COQ8A: variants seen among roughly 807,000 people sequenced by gnomAD.
COQ8A encodes the protein coenzyme Q8A.
In COQ8A, 51 loss-of-function variants were observed where a neutral mutation model predicts 65.0. The ratio of observed to expected loss-of-function variants is 0.78; its 90% confidence interval spans 0.63 to 0.99. The LOEUF (loss-of-function observed/expected upper bound fraction) is 0.99. COQ8A is among the 50% of genes least tolerant of loss of function. The pLI is 0.00. For missense variants in COQ8A, 940 were observed against 875.0 expected (o/e 1.07, Z -0.94); for synonymous variants, 371 against 353.2 (o/e 1.05, Z -0.57).
At chr1:226,984,517 G>A (rs781519570) in intron 11 of COQ8A, 31 bp from the exon 12 acceptor site, 1 of 1,575,812 alleles carries the variant, frequency 6.3e-7, no homozygotes, top group South Asian at 1.1e-5. Context: ...GTGTGGTGCT[G>A]CCTGACACAG....
intron 2 of COQ8A, among the ~76,000 whole-genome samples, chr1:226,961,927 C>G (rs767339610): frequency 3.3e-5 from 5 of 152,174 alleles, no homozygotes; most frequent in African/African-American, 4.8e-5. Context: ...GAGGGCAAGG[C>G]TGCTCTCTAG....
In COQ8A at chr1:226,985,246, C is replaced by G. The variant is rs1303889421; in HGVS notation, c.1573-8C>G. On this transcript the variant is annotated splice_polypyrimidine_tract_variant and splice_region_variant and intron_variant, in intron 13 of 14. Transcript: ENST00000366777. ...CTGCCCACGGTCCCCTCCTGTGCCT[C>G]TCCCCAGATCATCAGGGCTGCTGCC... 1 of 1,613,238 alleles carries G rather than the reference C, an allele frequency of 6.2e-7. No individual in the cohort carries two copies. The highest frequency in any genetic ancestry group is 1.1e-5 in the South Asian group (1 of 91,074).
chr1:226,956,110 TCACTCTCCCTGGTTCA>T (rs1657727783), intron 1 of COQ8A, among the ~76,000 whole-genome samples: 1 of 79,712 alleles, frequency 1.3e-5, no homozygotes, highest in Non-Finnish European at 2.4e-5. Context: ...TCCCTGGCTC[TCACTCTCCCTGGTTCA>T]CACTCTCCCT....
At chr1:226,956,264 GTTCACA>G (rs1657748457) in intron 1 of COQ8A, among the ~76,000 whole-genome samples, 5 of 72,024 alleles carry the variant, frequency 6.9e-5, no homozygotes, top group African/African-American at 3.5e-4. Context: ...ACTCTCCCTG[GTTCACA>G]CTCTCCCTGG....
intron 11 of COQ8A, 108 bp from the exon 12 acceptor site, chr1:226,984,440 C>A: frequency 7.7e-7 from 1 of 1,300,318 alleles, no homozygotes; most frequent in Non-Finnish European, 1.1e-6. Flanking sequence ...CAAACAGTCC[C>A]TAGGGTAGGG....
rs1658145487 is a variant in COQ8A at position 226,960,421 on chromosome 1, T to TTGGTGGTGCTGGTGGTGCTTGGTGG, written c.-9-948_-9-947insCTGGTGGTGCTTGGTGGTGGTGGTG. ...TGGTACTTGGTGGTGGCGGTGGTAC[T>TTGGTGGTGCTGGTGGTGCTTGGTGG]TGGTGGTGGTACTTGGTGGTACTTG... On this transcript the variant is annotated intron_variant, in intron 1 of 14. Transcript: ENST00000366777. 3.7e-5 allele frequency among the ~76,000 whole-genome samples: 5 copies of TTGGTGGTGCTGGTGGTGCTTGGTGG among 135,904 alleles called. 1 individual carries two copies. Among genetic ancestry groups the TTGGTGGTGCTGGTGGTGCTTGGTGG allele is most frequent in the Admixed American group, 7.5e-5 (1 of 13,346 alleles). The allele number at this position is 135,904 out of a possible 152,430, so 89.2% of individuals were successfully genotyped here. A position where few individuals can be genotyped will look rare whatever the true frequency, so the allele number is the denominator to read the frequency against.
chr1:226,961,511 C>T lies in COQ8A; in HGVS notation c.126C>T (p.Ala42=), dbSNP rs766489783. 3 of 1,613,852 alleles carry T rather than the reference C, an allele frequency of 1.9e-6. No homozygotes were observed. Among genetic ancestry groups the T allele is most frequent in the Non-Finnish European group, 2.5e-6 (3 of 1,179,976 alleles). Residue 42 remains alanine (A), a synonymous_variant, in exon 2 of 15, where the codon GCC becomes GCT. Coordinates refer to ENST00000366777, the MANE Select transcript of COQ8A (RefSeq NM_020247.5). ...IGGELIMAAR[A]LQSTAVEQIG... is the part of the protein sequence containing the mutation. ...GGGAGCTGATCATGGCGGCCAGGGC[C>T]CTGCAGTCCACGGCTGTGGAGCAGA...
chr1:226,969,690 T>C (rs904819531), intron 4 of COQ8A, among the ~76,000 whole-genome samples: 7 of 152,094 alleles, frequency 4.6e-5, no homozygotes, highest in East Asian at 1.9e-4. Context: ...CTTTTTTTTT[T>C]CCCCTGTACT....
At chr1:226,959,368 CT>C (rs1227935307) in intron 1 of COQ8A, among the ~76,000 whole-genome samples, 1 of 151,860 alleles carries the variant, frequency 6.6e-6, no homozygotes, top group Non-Finnish European at 1.5e-5. Flanking sequence ...ATGATTATGC[CT>C]GTGAACAGCC....
At chr1:226,977,247 C>T (rs1659292685) in intron 4 of COQ8A, among the ~76,000 whole-genome samples, 1 of 152,182 alleles carries the variant, frequency 6.6e-6, no homozygotes, top group African/African-American at 2.4e-5. Flanking sequence ...TTCACTGAAA[C>T]ACCTACCTCG....
intron 1 of COQ8A, among the ~76,000 whole-genome samples, chr1:226,960,359 G>GGTGGTGATGGTA (rs1558187319): frequency 7.8e-4 from 1 of 1,288 alleles, no homozygotes; most frequent in Non-Finnish European, 1.7e-3. Flanking sequence ...TGGTGGTGGT[G>GGTGGTGATGGTA]CTTGGTGGTG....
At chr1:226,973,691 G>A (rs1470548849) in intron 4 of COQ8A, among the ~76,000 whole-genome samples, 1 of 152,218 alleles carries the variant, frequency 6.6e-6, no homozygotes, top group Non-Finnish European at 1.5e-5. Context: ...GGGGGCAGCT[G>A]GAGGATGCCA....
Position 226,965,579 on chromosome 1 carries a change from G to A in COQ8A, c.589-92G>A, listed in dbSNP as rs1277852733. The stretch of plus-strand genomic sequence containing the variant: ...GTCAGGCGGAGCTGCTGACTGTGGG[G>A]TGGAGAGGAGATGTGGGGGCAACAG... On this transcript the variant is annotated intron_variant, in intron 3 of 14. Coordinates refer to ENST00000366777, the MANE Select transcript of COQ8A (RefSeq NM_020247.5). 11 of 1,525,064 alleles carry A rather than the reference G, an allele frequency of 7.2e-6. No individual in the cohort carries two copies. The Middle Eastern group carries it at 5.1e-4, about 71-fold the overall frequency. 94.5% of individuals were successfully genotyped at this position (1,525,064 alleles called of 1,614,324 possible). A position where few individuals can be genotyped will look rare whatever the true frequency, so the allele number is the denominator to read the frequency against.
rs548985849 is a variant in COQ8A, at chr1:226,975,659, C to G, written c.656-1790C>G. Among the ~76,000 whole-genome samples the G allele has an allele frequency of 1.8e-4, 27 of 152,248 alleles. No individual in the cohort carries two copies. The South Asian group carries it at 5.6e-3, about 32-fold the overall frequency. Reference sequence around the variant, plus strand: ...TTTCTTTTGTTCTGCGCCGGCCCAGCCTTTTTGAATAGAGTCACGAGAACA... The same window carrying G: ...TTTCTTTTGTTCTGCGCCGGCCCAGGCTTTTTGAATAGAGTCACGAGAACA... On this transcript the variant is annotated intron_variant, in intron 4 of 14. Coordinates refer to ENST00000366777, the MANE Select transcript of COQ8A (RefSeq NM_020247.5).
chr1:226,961,395 A>G lies in COQ8A; in HGVS notation c.10A>G (p.Ile4Val), dbSNP rs372487479. ...CTTCCAGCCCTGAAGGATGGCTGCC[A>G]TATTGGGAGACACCATCATGGTGGC... is the stretch of plus-strand genomic sequence containing the variant. MAA[I>V]LGDTIMVAKG... Residue 4 changes from isoleucine (I) to valine (V), a missense_variant, in exon 2 of 15, where the codon ATA becomes GTA. Transcript: ENST00000366777. 8.7e-6 allele frequency: 14 copies of G among 1,613,602 alleles called. No homozygotes were observed. Among genetic ancestry groups the G allele is most frequent in the East Asian group, 2.2e-5 (1 of 44,878 alleles).
At chr1:226,945,866 C>T (rs1050045130) in intron 1 of COQ8A, among the ~76,000 whole-genome samples, 3 of 152,206 alleles carry the variant, frequency 2.0e-5, no homozygotes, top group Non-Finnish European at 4.4e-5. Context: ...CCACCATGAG[C>T]GGGATTATGA....
At chr1:226,984,769 C>G in intron 12 of COQ8A, 107 bp from the exon 13 acceptor site, 1 of 1,489,714 alleles carries the variant, frequency 6.7e-7, no homozygotes, top group Non-Finnish European at 9.4e-7. Context: ...GCTCAGGGCT[C>G]TGGGAGTGGG....
chr1:226,981,604 C>A (rs1659692873), intron 5 of COQ8A, among the ~76,000 whole-genome samples: 1 of 152,236 alleles, frequency 6.6e-6, no homozygotes, highest in Non-Finnish European at 1.5e-5. Context: ...TTGTGCAGTG[C>A]CCTGGGTGGG....
chr1:226,978,370 TACACACCCTCC>T (rs1325719256), intron 5 of COQ8A, among the ~76,000 whole-genome samples: 1 of 104,358 alleles, frequency 9.6e-6, no homozygotes, highest in Non-Finnish European at 1.9e-5. Flanking sequence ...AACACCTCCT[TACACACCCTCC>T]ACATACCCTC....
Sources: gnomAD v4.1 joint callset for allele counts (sites outside exome capture counted in the v4.1 genomes callset) on GRCh38, gnomAD v4.1.1 for gene constraint, MANE v1.5 for transcripts, NCBI Gene and HGNC (gene_info 2026-07-23, HGNC 2026-07-21) for gene names.